KCNIP3: variants seen among roughly 807,000 people sequenced by gnomAD.
The protein encoded by KCNIP3 is calsenilin.
A neutral mutation model predicts 35.0 loss-of-function variants in KCNIP3; 28 were observed. That is an observed-to-expected ratio of 0.80 (90% CI 0.59 to 1.10). The LOEUF is 1.10. KCNIP3 is among the 50% of genes least tolerant of loss of function. The pLI is 0.00. For synonymous variants in KCNIP3, 134 were observed against 133.8 expected, an observed-to-expected ratio of 1.00 and a Z score of -0.01; for missense variants, 295 against 338.4, an observed-to-expected ratio of 0.87 and a Z score of 1.01.
At chr2:95,362,728 T>G (rs1679830288) in intron 2 of KCNIP3, among the ~76,000 whole-genome samples, 1 of 151,972 alleles carries the variant, frequency 6.6e-6, no homozygotes, top group African/African-American at 2.4e-5. Context: ...AGATGAAGCT[T>G]CACTTGCTCA....
intron 2 of KCNIP3, among the ~76,000 whole-genome samples, chr2:95,366,929 C>T (rs1407732176): frequency 6.6e-6 from 1 of 152,054 alleles, no homozygotes; most frequent in Non-Finnish European, 1.5e-5. Flanking sequence ...TCTGTATATC[C>T]TTTGTCAGAT....
At chr2:95,326,380 TCACATA>T (rs751874397) in intron 2 of KCNIP3, among the ~76,000 whole-genome samples, 14 of 151,840 alleles carry the variant, frequency 9.2e-5, no homozygotes, top group African/African-American at 3.1e-4. Context: ...ACACTCACAC[TCACATA>T]CACATACATG....
At chr2:95,360,603 A>T (rs1367469598) in intron 2 of KCNIP3, among the ~76,000 whole-genome samples, 1 of 152,210 alleles carries the variant, frequency 6.6e-6, no homozygotes, top group Non-Finnish European at 1.5e-5. Context: ...GCAGAATACC[A>T]CAAACAGGGT....
chr2:95,331,868 G>A (rs937045026), intron 2 of KCNIP3, among the ~76,000 whole-genome samples: 7 of 152,218 alleles, frequency 4.6e-5, no homozygotes, highest in Non-Finnish European at 7.3e-5. Flanking sequence ...GGGATGCAGA[G>A]GCTGTGACAT....
intron 2 of KCNIP3, among the ~76,000 whole-genome samples, chr2:95,351,161 C>A (rs959701986): frequency 6.6e-6 from 1 of 152,260 alleles, no homozygotes; most frequent in Non-Finnish European, 1.5e-5. Context: ...TAGGGACATA[C>A]TCAAGCCTGA....
Position 95,310,420 on chromosome 2 carries a change from G to T in KCNIP3, c.81G>T (p.Lys27Asn), listed in dbSNP as rs1678282230. The change falls in exon 2 of 9, where the codon AAG becomes AAT. Residue 27 changes from lysine to asparagine, a missense_variant. Lys to Asn is a moderately conservative substitution (Grantham distance 94). Transcript: ENST00000295225. ...GDLGHTPLSKKEGIKWQRPRL... is the reference protein window; with the variant it reads ...GDLGHTPLSKNEGIKWQRPRL... ...TCGGGCACACACCACTTAGCAAGAA[G>T]GAGGGTATCAAGTGGCAGAGGCCGA... The T allele has an allele frequency of 1.2e-6, 2 of 1,613,892 alleles. No homozygotes were observed. The highest frequency in any genetic ancestry group is 1.7e-6 in the Non-Finnish European group (2 of 1,179,980).
chr2:95,311,041 C>A, intron 2 of KCNIP3: 1 of 167,744 alleles, frequency 6.0e-6, no homozygotes, highest in South Asian at 1.6e-4. Context: ...TTGCCTTGGG[C>A]TGCATTCTGG....
intron 5 of KCNIP3, among the ~76,000 whole-genome samples, chr2:95,379,462 C>T (rs941077155): frequency 0.025 from 1 of 40 alleles, no homozygotes; most frequent in Non-Finnish European, 0.071. Context: ...TCGCTGGGGC[C>T]TGGTGCCTCT....
At chr2:95,372,892 A>G (rs1680072529) in intron 2 of KCNIP3, among the ~76,000 whole-genome samples, 1 of 152,252 alleles carries the variant, frequency 6.6e-6, no homozygotes, top group African/African-American at 2.4e-5. Context: ...AGCAGCTTTC[A>G]GGGTGCTCTT....
chr2:95,333,811 G>A (rs1023043207), intron 2 of KCNIP3, among the ~76,000 whole-genome samples: 1 of 152,208 alleles, frequency 6.6e-6, no homozygotes, highest in Non-Finnish European at 1.5e-5. Flanking sequence ...TTGAGGCAAA[G>A]GTGGGACTTG....
intron 2 of KCNIP3, among the ~76,000 whole-genome samples, chr2:95,359,865 A>C (rs1290586751): frequency 6.6e-6 from 1 of 152,230 alleles, no homozygotes; most frequent in Admixed American, 6.5e-5. Context: ...ACTGTGGTGG[A>C]ATGTGAGGAG....
intron 1 of KCNIP3, among the ~76,000 whole-genome samples, chr2:95,308,949 G>A (rs1678246751): frequency 6.6e-6 from 1 of 152,212 alleles, no homozygotes; most frequent in African/African-American, 2.4e-5. Context: ...TAGCACACAC[G>A]AGACCCTGTG....
intron 2 of KCNIP3, among the ~76,000 whole-genome samples, chr2:95,371,274 A>G (rs980570160): frequency 6.6e-5 from 10 of 152,196 alleles, no homozygotes; most frequent in Non-Finnish European, 1.0e-4. Flanking sequence ...AAATTTTGAT[A>G]TGCTCTGTTT....
chr2:95,348,049 C>G (rs1171090805), intron 2 of KCNIP3, among the ~76,000 whole-genome samples: 2 of 152,244 alleles, frequency 1.3e-5, no homozygotes, highest in African/African-American at 4.8e-5. Flanking sequence ...CAAGGCTTCC[C>G]TCCATTCTAC....
chr2:95,321,217 T>C (rs1427327248), intron 2 of KCNIP3, among the ~76,000 whole-genome samples: 2 of 152,124 alleles, frequency 1.3e-5, no homozygotes, highest in Non-Finnish European at 2.9e-5. Context: ...ACAGAGCCGG[T>C]TTCGCAGCAC....
rs1255869755 is a variant in KCNIP3 at position 95,384,368 on chromosome 2, G to A, written c.*319G>A. ...CAGGTCTGCAGGCCACCAGCTGCTGGATGTCACCAAGAAGGGGCTCGAGTG... is the reference window on the plus strand; with the variant it reads ...CAGGTCTGCAGGCCACCAGCTGCTGAATGTCACCAAGAAGGGGCTCGAGTG... On this transcript the variant is annotated 3_prime_UTR_variant, in exon 9 of 9. Coordinates refer to ENST00000295225, the MANE Select transcript of KCNIP3 (RefSeq NM_013434.5). 2 of 402,914 alleles carry A rather than the reference G, an allele frequency of 5.0e-6. No individual in the cohort carries two copies. Among genetic ancestry groups the A allele is most frequent in the African/African-American group, 2.0e-5 (1 of 49,552 alleles). 25.0% of individuals were successfully genotyped at this position (402,914 alleles called of 1,614,324 possible). A position where few individuals can be genotyped will look rare whatever the true frequency, so the allele number is the denominator to read the frequency against.
intron 2 of KCNIP3, among the ~76,000 whole-genome samples, chr2:95,373,654 C>G (rs1410929264): frequency 6.6e-6 from 1 of 152,096 alleles, no homozygotes; most frequent in Non-Finnish European, 1.5e-5. Context: ...GATCTCCTGA[C>G]CTCGTGATCT....
intron 2 of KCNIP3, among the ~76,000 whole-genome samples, chr2:95,320,919 G>GC (rs1174894775): frequency 1.6e-4 from 3 of 18,986 alleles, no homozygotes; most frequent in Non-Finnish European, 3.0e-4. Context: ...TCTCCTCCCT[G>GC]CCCCCCCAGC....
At chr2:95,297,484 G>T in intron 1 of KCNIP3, 31 bp downstream of exon 1, 1 of 1,332,484 alleles carries the variant, frequency 7.5e-7, no homozygotes, top group Non-Finnish European at 1.0e-6. Flanking sequence ...GTCTTGCTCT[G>T]GAGGGGGGTC....
Sources: gnomAD v4.1 joint callset for allele counts (sites outside exome capture counted in the v4.1 genomes callset) on GRCh38, gnomAD v4.1.1 for gene constraint, MANE v1.5 for transcripts, NCBI Gene and HGNC (gene_info 2026-07-23, HGNC 2026-07-21) for gene names.